GIMAP8: variants seen among roughly 807,000 people sequenced by gnomAD.
GIMAP8 encodes GTPase IMAP family member 8.
GIMAP8 carries 29 observed loss-of-function variants against 35.6 expected under a neutral mutation model. That is an observed-to-expected ratio of 0.81 (90% CI 0.61 to 1.11). The LOEUF is 1.11. Ranked by LOEUF, GIMAP8 falls within the 50% of genes most tolerant of loss-of-function variation. The pLI, the probability that GIMAP8 is intolerant of heterozygous loss-of-function variation, is 0.00. For synonymous variants in GIMAP8, 335 were observed against 308.7 expected, an observed-to-expected ratio of 1.09 and a Z score of -0.89; for missense variants, 811 against 805.0, an observed-to-expected ratio of 1.01 and a Z score of -0.09.
At chr7:150,457,428 G>C (rs1241138706) in intron 1 of GIMAP8, among the ~76,000 whole-genome samples, 1 of 152,176 alleles carries the variant, frequency 6.6e-6, no homozygotes. Flanking sequence ...CTTGGGGCCT[G>C]TTCCCAGCAA....
At chr7:150,470,752 T>TC in intron 2 of GIMAP8, 77 bp from the exon 3 acceptor site, 1 of 667,010 alleles carries the variant, frequency 1.5e-6, no homozygotes, top group African/African-American at 1.9e-5. Context: ...TTTCCTTTTT[T>TC]TTTTTTTTTT....
intron 1 of GIMAP8, among the ~76,000 whole-genome samples, chr7:150,452,681 T>G (rs868299578): frequency 2.1e-4 from 19 of 91,702 alleles, no homozygotes; most frequent in African/African-American, 4.9e-4. Context: ...GTGAGATATA[T>G]ATATATATAT....
At chr7:150,457,277 C>G (rs1186015289) in intron 1 of GIMAP8, among the ~76,000 whole-genome samples, 2 of 152,214 alleles carry the variant, frequency 1.3e-5, no homozygotes, top group African/African-American at 4.8e-5. Flanking sequence ...GATTTTCCGC[C>G]CTGGGTGGGC....
chr7:150,476,446 T>C (rs993511558), intron 4 of GIMAP8, among the ~76,000 whole-genome samples: 4 of 152,236 alleles, frequency 2.6e-5, no homozygotes, highest in African/African-American at 7.2e-5. Context: ...ACAGTGTTAG[T>C]GGATATTCAT....
chr7:150,458,226 G>T (rs1009893141), intron 1 of GIMAP8, among the ~76,000 whole-genome samples: 3 of 152,262 alleles, frequency 2.0e-5, no homozygotes, highest in African/African-American at 7.2e-5. Context: ...ACCAAAATCT[G>T]ATAGGGGAGG....
intron 1 of GIMAP8, among the ~76,000 whole-genome samples, chr7:150,455,535 G>A (rs139090861): frequency 6.6e-6 from 1 of 152,340 alleles, no homozygotes; most frequent in African/African-American, 2.4e-5. Context: ...ACGGGCACTT[G>A]GCGTCTGATA....
chr7:150,463,453 T>A (rs1488197012), intron 1 of GIMAP8, among the ~76,000 whole-genome samples: 1 of 152,234 alleles, frequency 6.6e-6, no homozygotes, highest in Non-Finnish European at 1.5e-5. Context: ...GCATCTGGTG[T>A]AACAGTTGCT....
intron 1 of GIMAP8, among the ~76,000 whole-genome samples, chr7:150,462,730 T>C (rs948950023): frequency 1.3e-5 from 2 of 152,238 alleles, no homozygotes; most frequent in East Asian, 3.8e-4. Context: ...GATTCCTTTA[T>C]ATGTGACTTG....
intron 1 of GIMAP8, among the ~76,000 whole-genome samples, chr7:150,452,005 C>T (rs1026569321): frequency 1.3e-5 from 2 of 152,170 alleles, no homozygotes; most frequent in East Asian, 1.9e-4. Flanking sequence ...GATGAATCCC[C>T]GCATGGCTGG....
chr7:150,476,122 A>G (rs1802221629), intron 4 of GIMAP8, among the ~76,000 whole-genome samples: 2 of 152,196 alleles, frequency 1.3e-5, no homozygotes, highest in Admixed American at 1.3e-4. Flanking sequence ...AGATTAAGCT[A>G]TTGTTCATCT....
At chr7:150,461,437 C>G (rs1434645080) in intron 1 of GIMAP8, among the ~76,000 whole-genome samples, 1 of 152,196 alleles carries the variant, frequency 6.6e-6, no homozygotes, top group Non-Finnish European at 1.5e-5. Flanking sequence ...TTATTATACT[C>G]TCTTGCTCAG....
Position 150,466,878 on chromosome 7 carries a change from G to A in GIMAP8, c.180G>A (p.Lys60=), listed in dbSNP as rs372720546. ...AGAGTTGGGTCCTGAGAGAAAGGAAGGTTGTGGTAATTGACACCCCTGACC... is the reference window on the plus strand; with the variant it reads ...AGAGTTGGGTCCTGAGAGAAAGGAAAGTTGTGGTAATTGACACCCCTGACC... ...QRESWVLRER[K]VVVIDTPDLF... Residue 60 remains lysine (K), a synonymous_variant, in exon 2 of 5, where the codon AAG becomes AAA. Coordinates refer to ENST00000307271, the MANE Select transcript of GIMAP8 (RefSeq NM_175571.4). 46 of 1,614,138 alleles carry A rather than the reference G, an allele frequency of 2.8e-5. No homozygotes were observed. The highest frequency in any genetic ancestry group is 3.3e-4 in the Middle Eastern group (2 of 6,084).
chr7:150,456,948 G>C (rs1204717353), intron 1 of GIMAP8, among the ~76,000 whole-genome samples: 1 of 152,220 alleles, frequency 6.6e-6, no homozygotes. Context: ...AAAATGCACA[G>C]TGTGCTGAGA....
chr7:150,455,156 C>A (rs1262957910), intron 1 of GIMAP8, among the ~76,000 whole-genome samples: 69 of 133,570 alleles, frequency 5.2e-4, no homozygotes, highest in Admixed American at 1.4e-3. Flanking sequence ...AAAAAAAAAA[C>A]CAAAAAACAA....
chr7:150,463,547 T>C (rs985563128), intron 1 of GIMAP8, among the ~76,000 whole-genome samples: 5 of 152,238 alleles, frequency 3.3e-5, no homozygotes, highest in African/African-American at 1.2e-4. Flanking sequence ...TAGGGTGCTT[T>C]GGCTTTGATT....
chr7:150,452,677 T>G (rs752614474), intron 1 of GIMAP8, among the ~76,000 whole-genome samples: 321 of 28,130 alleles, frequency 0.011, no homozygotes, highest in South Asian at 0.032. Context: ...GTGTGTGAGA[T>G]ATATATATAT....
At position 150,477,517 on chromosome 7, in the gene GIMAP8, A is replaced by G; in HGVS notation, c.1735A>G (p.Met579Val). ...AGGGGCGGGGAATTTGGAAGACTTC[A>G]TGAAGAACTCAGATAACAAAGCCCT... ...DLGAGNLEDFMKNSDNKALRR... is the reference protein window; with the variant it reads ...DLGAGNLEDFVKNSDNKALRR... The change falls in exon 5 of 5, where the codon ATG (methionine) becomes GTG (valine). Residue 579 changes from methionine to valine, a missense_variant. By Grantham distance (21) the Met-to-Val change is conservative. Transcript: ENST00000307271. The G allele has an allele frequency of 3.7e-6, 6 of 1,614,162 alleles. No individual in the cohort carries two copies. The highest frequency in any genetic ancestry group is 5.1e-6 in the Non-Finnish European group (6 of 1,180,026).
chr7:150,460,935 C>T lies in GIMAP8; in HGVS notation c.-28-5736C>T, dbSNP rs149208836. Among the ~76,000 whole-genome samples the T allele has an allele frequency of 3.0e-3, 464 of 152,332 alleles. 5 individuals carry two copies. The highest frequency in any genetic ancestry group is 0.011 in the African/African-American group (441 of 41,584). ...GTGTTCAGTGTCTACTAAGGCCCAG[C>T]GGCAGGCCAAAAGCTGTTTCTCAAA... On this transcript the variant is annotated intron_variant, in intron 1 of 4. Coordinates refer to ENST00000307271, the MANE Select transcript of GIMAP8 (RefSeq NM_175571.4).
intron 1 of GIMAP8, among the ~76,000 whole-genome samples, chr7:150,454,123 G>A (rs1017058969): frequency 3.3e-5 from 5 of 152,264 alleles, no homozygotes; most frequent in East Asian, 1.9e-4. Context: ...GAAGTACAGC[G>A]CAGGCTGATG....
Sources: allele counts gnomAD v4.1 joint callset (sites outside exome capture counted in the v4.1 genomes callset), GRCh38; gene constraint gnomAD v4.1.1; transcripts MANE v1.5; gene names NCBI Gene and HGNC (gene_info 2026-07-23, HGNC 2026-07-21).